The following CMIP variants were observed in gnomAD, a reference collection of about 807,000 sequenced individuals.
CMIP encodes C-Maf-inducing protein.
In CMIP, 13 loss-of-function variants were observed where a neutral mutation model predicts 97.3. The ratio of observed to expected loss-of-function variants is 0.13; its 90% CI spans 0.09 to 0.21. The LOEUF (loss-of-function observed/expected upper bound fraction) is 0.21. CMIP is among the 10% of genes least tolerant of loss of function. The probability of loss-of-function intolerance (pLI) is 1.00; values close to 1 mark genes in which losing one functional copy is unlikely to be tolerated. For missense variants in CMIP, 847 were observed against 1,024.9 expected (o/e 0.83, Z 2.37); for synonymous variants, 538 against 436.3 (o/e 1.23, Z -2.91).
chr16:81,612,747 C>T (rs1442465917), intron 2 of CMIP, among the ~76,000 whole-genome samples: 1 of 152,200 alleles, frequency 6.6e-6, no homozygotes, highest in Non-Finnish European at 1.5e-5. Flanking sequence ...CTGGAACCAG[C>T]TGCCCGCAGG....
At position 81,657,768 on chromosome 16, in the gene CMIP, C is replaced by G; in HGVS notation, c.640-7C>G. On this transcript the variant is annotated splice_region_variant and splice_polypyrimidine_tract_variant and intron_variant, in intron 4 of 20. Transcript: ENST00000537098. Reference sequence around the variant, plus strand: ...TTTCCTCCTGCTGTCTCCATTCAATCCTTTAGAACACAAACTTGACCACCC... The same window carrying G: ...TTTCCTCCTGCTGTCTCCATTCAATGCTTTAGAACACAAACTTGACCACCC... 14 of 1,603,616 alleles carry G rather than the reference C, an allele frequency of 8.7e-6. No homozygotes were observed. Among genetic ancestry groups the G allele is most frequent in the Non-Finnish European group, 1.0e-5 (12 of 1,175,210 alleles).
At chr16:81,702,578 C>G (rs748607396) in intron 16 of CMIP, 44 bp from the exon 17 acceptor site, 2 of 1,596,076 alleles carry the variant, frequency 1.3e-6, no homozygotes, top group Non-Finnish European at 1.7e-6. Context: ...AGAATGGAAA[C>G]TTGGGGAAAA....
chr16:81,507,489 AT>A (rs2089730890), intron 1 of CMIP, among the ~76,000 whole-genome samples: 1 of 152,192 alleles, frequency 6.6e-6, no homozygotes, highest in African/African-American at 2.4e-5. Flanking sequence ...CTAATATATA[AT>A]TTAGAACATG....
rs774930958 is a variant in CMIP, at chr16:81,670,220, G to A, written c.904G>A (p.Glu302Lys). 7 of 1,611,208 alleles carry A rather than the reference G, an allele frequency of 4.3e-6. 1 individual carries two copies. Among genetic ancestry groups the A allele is most frequent in the Non-Finnish European group, 5.1e-6 (6 of 1,178,850 alleles). ...LALNELNAGMEVVKKFIQSMH... is the reference protein window; with the variant it reads ...LALNELNAGMKVVKKFIQSMH... ...CTTGAACGAGCTCAACGCGGGGATG[G>A]AAGTGGTGAAGAAGTTCATTCAGAG... The change falls in exon 8 of 21, where the codon GAA becomes AAA. Residue 302 changes from glutamate to lysine, a missense_variant. Glu to Lys is a moderately conservative substitution (Grantham distance 56, BLOSUM62 1). This residue lies in a region of CMIP where 285 missense variants were observed against 392.2 expected (regional missense o/e 0.73). Coordinates refer to ENST00000537098, the MANE Select transcript of CMIP (RefSeq NM_198390.3).
intron 1 of CMIP, among the ~76,000 whole-genome samples, chr16:81,585,834 G>A (rs1010940662): frequency 1.3e-5 from 2 of 152,028 alleles, no homozygotes; most frequent in African/African-American, 2.4e-5. Context: ...CTCAAGATTC[G>A]GCTGTGAGCA....
chr16:81,609,465 C>G (rs748040667), intron 2 of CMIP, among the ~76,000 whole-genome samples: 13 of 152,260 alleles, frequency 8.5e-5, no homozygotes, highest in Admixed American at 3.3e-4. Context: ...AATGACTTTG[C>G]TGTAGTCACA....
At chr16:81,449,984 C>CA (rs1356338207) in intron 1 of CMIP, among the ~76,000 whole-genome samples, 4 of 152,238 alleles carry the variant, frequency 2.6e-5, no homozygotes, top group African/African-American at 9.6e-5. Context: ...AGCTTTCCTG[C>CA]AAGTGGGTGA....
At chr16:81,587,152 G>T (rs1170738073) in intron 1 of CMIP, among the ~76,000 whole-genome samples, 3 of 152,204 alleles carry the variant, frequency 2.0e-5, no homozygotes, top group Non-Finnish European at 4.4e-5. Context: ...GGAGTCAGAG[G>T]TGTTTATACA....
At chr16:81,541,304 A>G (rs1220186122) in intron 1 of CMIP, among the ~76,000 whole-genome samples, 1 of 152,198 alleles carries the variant, frequency 6.6e-6, no homozygotes, top group Admixed American at 6.5e-5. Flanking sequence ...GAATCCTGTC[A>G]TATAGATCTT....
chr16:81,675,956 G>C (rs1364614539), intron 9 of CMIP, among the ~76,000 whole-genome samples: 1 of 152,252 alleles, frequency 6.6e-6, no homozygotes, highest in African/African-American at 2.4e-5. Flanking sequence ...CTGGGTTTCA[G>C]TGGCAGAACT....
chr16:81,549,537 G>A (rs2090612894), intron 1 of CMIP, among the ~76,000 whole-genome samples: 1 of 152,202 alleles, frequency 6.6e-6, no homozygotes, highest in South Asian at 2.1e-4. Context: ...GGCTCTGTGT[G>A]TGTTGGGGGC....
At chr16:81,700,963 G>A (rs1286657627) in intron 15 of CMIP, among the ~76,000 whole-genome samples, 1 of 152,154 alleles carries the variant, frequency 6.6e-6, no homozygotes, top group Non-Finnish European at 1.5e-5. Flanking sequence ...TGAGAAGCGT[G>A]GGCTGAGTGA....
chr16:81,616,461 G>C lies in CMIP; in HGVS notation c.427-4415G>C, dbSNP rs906463555. ...GCGTTGAGGAGGAGAGGAGGTGTGT[G>C]TGAGCATTTCTCGTGGTGCCTGGTA... On this transcript the variant is annotated intron_variant, in intron 2 of 20. Transcript: ENST00000537098. The surrounding 1 kb of genome is among the most constrained non-coding windows in gnomAD (Gnocchi z 4.7). Among the ~76,000 whole-genome samples, 3 of 152,230 alleles carry C rather than the reference G, an allele frequency of 2.0e-5. No individual in the cohort carries two copies. Among genetic ancestry groups the C allele is most frequent in the Non-Finnish European group, 4.4e-5 (3 of 68,032 alleles).
chr16:81,612,598 C>A (rs1421881574), intron 2 of CMIP, among the ~76,000 whole-genome samples: 2 of 152,196 alleles, frequency 1.3e-5, no homozygotes, highest in African/African-American at 4.8e-5. Flanking sequence ...ACAGCGCACC[C>A]TGGGCTGTTT....
intron 1 of CMIP, among the ~76,000 whole-genome samples, chr16:81,601,815 A>G (rs2091662848): frequency 6.6e-6 from 1 of 152,182 alleles, no homozygotes; most frequent in East Asian, 1.9e-4. Flanking sequence ...CCTTGCGGGC[A>G]CTCAGTTAGC....
intron 2 of CMIP, among the ~76,000 whole-genome samples, chr16:81,613,607 A>G (rs2091866446): frequency 6.6e-6 from 1 of 152,224 alleles, no homozygotes. Context: ...AATACTTAGC[A>G]CTGTGCCTGG....
At chr16:81,588,889 G>A (rs990282273) in intron 1 of CMIP, among the ~76,000 whole-genome samples, 4 of 152,034 alleles carry the variant, frequency 2.6e-5, no homozygotes, top group African/African-American at 9.7e-5. Flanking sequence ...CACAGATGAG[G>A]AGACCGAGGT....
Position 81,704,012 on chromosome 16 carries a change from A to C in CMIP, c.2018A>C (p.Asn673Thr). 6.2e-7 allele frequency: 1 copy of C among 1,604,746 alleles called. No homozygotes were observed. The highest frequency in any genetic ancestry group is 2.2e-5 in the East Asian group (1 of 44,534). The stretch of plus-strand genomic sequence containing the variant: ...GAGAACCTCAGTTTGGCCTTCACCA[A>C]TGTAACCAGTGCCTGCGCCGAGCAC... Reference protein sequence around the residue: ...NLENLSLAFTNVTSACAEHLI... With the variant: ...NLENLSLAFTTVTSACAEHLI... Residue 673 changes from asparagine (N) to threonine (T), a missense_variant, in exon 18 of 21, where the codon AAT becomes ACT. By Grantham distance (65) the Asn-to-Thr change is moderately conservative. Around this residue, in one of 4 missense-constraint regions of CMIP, gnomAD observed 266 missense variants for 384.2 expected, o/e 0.69. Transcript: ENST00000537098.
chr16:81,559,448 T>G (rs1466200078), intron 1 of CMIP, among the ~76,000 whole-genome samples: 1 of 152,232 alleles, frequency 6.6e-6, no homozygotes, highest in African/African-American at 2.4e-5. Context: ...TGTTTTCATA[T>G]TCCTAAGTTC....
Sources: allele counts gnomAD v4.1 joint callset (sites outside exome capture counted in the v4.1 genomes callset), GRCh38; gene constraint gnomAD v4.1.1; regional missense constraint gnomAD v4.1.1; non-coding constraint Gnocchi (gnomAD v3.1); transcripts MANE v1.5; gene names NCBI Gene and HGNC (gene_info 2026-07-23, HGNC 2026-07-21).